IGDCC3: variants seen among roughly 807,000 people sequenced by gnomAD.
The protein encoded by IGDCC3 is putative neuronal cell adhesion molecule.
Under a neutral mutation model 72.0 loss-of-function variants are expected in IGDCC3, and 47 were observed. That is an observed-to-expected ratio of 0.65 (90% CI 0.52 to 0.83). The LOEUF (loss-of-function observed/expected upper bound fraction) is 0.83, where lower values mean the gene tolerates loss of function less well. Among genes scored for constraint, IGDCC3 ranks in the 40% least tolerant of loss-of-function variants. IGDCC3 has a pLI of 0.00. For synonymous variants in IGDCC3, 477 were observed against 472.8 expected (o/e 1.01, Z -0.11); for missense variants, 1,038 against 1,091.3 (o/e 0.95, Z 0.69).
At chr15:65,349,805 TA>T (rs1280826517) in intron 2 of IGDCC3, among the ~76,000 whole-genome samples, 32 of 152,214 alleles carry the variant, frequency 2.1e-4, no homozygotes, top group African/African-American at 7.7e-4. Flanking sequence ...ATTAAATAGT[TA>T]AAAGCTTTTG....
intron 2 of IGDCC3, among the ~76,000 whole-genome samples, chr15:65,348,241 T>C (rs1363503366): frequency 6.6e-6 from 1 of 152,232 alleles, no homozygotes; most frequent in Non-Finnish European, 1.5e-5. Flanking sequence ...GTCTATGCAG[T>C]AGCCATTCTT....
rs1477882968 is a variant in IGDCC3, at chr15:65,339,316, G to A, written c.410-3360C>T. Among the ~76,000 whole-genome samples, 1 of 152,176 alleles carries A rather than the reference G, an allele frequency of 6.6e-6. No individual in the cohort carries two copies. Among genetic ancestry groups the A allele is most frequent in the East Asian group, 1.9e-4 (1 of 5,198 alleles). ...AGGCTGGTCTCAAACTCCTGACCTC[G>A]TGATCCGCCCGCCTTGGCTTCCCAA... On this transcript the variant is annotated intron_variant, in intron 2 of 13. Transcript: ENST00000327987. This position sits in a 1 kb window ranked among gnomAD's most constrained non-coding sequence, Gnocchi z 4.1.
At chr15:65,347,704 G>T (rs943239634) in intron 2 of IGDCC3, among the ~76,000 whole-genome samples, 5 of 152,182 alleles carry the variant, frequency 3.3e-5, no homozygotes, top group Non-Finnish European at 7.3e-5. Context: ...GCCAAGACGG[G>T]TGGATCACCT....
intron 1 of IGDCC3, 112 bp from the exon 2 acceptor site, chr15:65,375,514 C>T: frequency 1.3e-6 from 1 of 776,022 alleles, no homozygotes. Context: ...GCACCCCATC[C>T]CCATGTTTCT....
Position 65,329,191 on chromosome 15 carries a change from G to C in IGDCC3, c.2206-43C>G, listed in dbSNP as rs2090952632. 1 of 1,568,982 alleles carries C rather than the reference G, an allele frequency of 6.4e-7. No homozygotes were observed. The highest frequency in any genetic ancestry group is 2.3e-5 in the East Asian group (1 of 44,380). On this transcript the variant is annotated intron_variant, in intron 13 of 13. Transcript: ENST00000327987. The surrounding 1 kb of genome is among the most constrained non-coding windows in gnomAD (Gnocchi z 4.1). Reference sequence around the variant, plus strand: ...CACACAGGCGTCAGCTTGAGGGCCAGGGCGCCAGGCTCCAACTCACCCCAC... The same window carrying C: ...CACACAGGCGTCAGCTTGAGGGCCACGGCGCCAGGCTCCAACTCACCCCAC...
intron 2 of IGDCC3, among the ~76,000 whole-genome samples, chr15:65,347,026 G>A (rs2091130230): frequency 6.6e-6 from 1 of 152,160 alleles, no homozygotes; most frequent in Admixed American, 6.5e-5. Context: ...CACAGACTGT[G>A]TGTCTCTGCC....
intron 2 of IGDCC3, among the ~76,000 whole-genome samples, chr15:65,368,017 G>A (rs1434980569): frequency 1.3e-5 from 2 of 152,096 alleles, no homozygotes; most frequent in East Asian, 3.8e-4. Flanking sequence ...CATTTTTGGT[G>A]GAATCACTCA....
intron 5 of IGDCC3, among the ~76,000 whole-genome samples, chr15:65,333,824 C>T (rs1223995036): frequency 6.6e-6 from 1 of 152,196 alleles, no homozygotes; most frequent in Non-Finnish European, 1.5e-5. Context: ...GGGGGGAACC[C>T]GGTTAACTTT....
chr15:65,350,971 T>TA (rs766651995), intron 2 of IGDCC3, among the ~76,000 whole-genome samples: 2 of 152,218 alleles, frequency 1.3e-5, no homozygotes, highest in Non-Finnish European at 2.9e-5. Context: ...GGTGAAAGAT[T>TA]ATAAGAAGTC....
rs1465706553 is a variant in IGDCC3, at chr15:65,339,167, C to T, written c.410-3211G>A. Reference sequence around the variant, plus strand: ...CATGATCTCAGCTCACCGCAAGCTCCGCCTCCCAGGCTTAAGCAACTCTCC... The same window carrying T: ...CATGATCTCAGCTCACCGCAAGCTCTGCCTCCCAGGCTTAAGCAACTCTCC... On this transcript the variant is annotated intron_variant, in intron 2 of 13. Transcript: ENST00000327987. This position sits in a 1 kb window ranked among gnomAD's most constrained non-coding sequence, Gnocchi z 4.1. 6.6e-6 allele frequency among the ~76,000 whole-genome samples: 1 copy of T among 152,266 alleles called. No individual in the cohort carries two copies. Among genetic ancestry groups the T allele is most frequent in the East Asian group, 1.9e-4 (1 of 5,184 alleles).
rs2090970879 is a variant in IGDCC3, at chr15:65,330,848, C to G, written c.1562-107G>C. On this transcript the variant is annotated intron_variant, in intron 9 of 13. Transcript: ENST00000327987. Reference sequence around the variant, plus strand: ...CAAAAGCCTGACAGCCCTCTGGCCTCTGGCCAAGGGCATGTGCTTATGAAA... The same window carrying G: ...CAAAAGCCTGACAGCCCTCTGGCCTGTGGCCAAGGGCATGTGCTTATGAAA... The G allele has an allele frequency of 4.6e-5, 52 of 1,125,350 alleles. No individual in the cohort carries two copies. The South Asian group carries it at 7.4e-4, about 16-fold the overall frequency. 69.7% of individuals were successfully genotyped at this position (1,125,350 alleles called of 1,614,324 possible).
intron 2 of IGDCC3, among the ~76,000 whole-genome samples, chr15:65,367,442 G>A (rs1246107856): frequency 6.6e-6 from 1 of 151,566 alleles, no homozygotes; most frequent in Admixed American, 6.6e-5. Flanking sequence ...ACGAGTTAAT[G>A]GGTGCAGCAC....
In IGDCC3 at chr15:65,331,074, T is replaced by C. The variant is rs926518917; in HGVS notation, c.1537A>G (p.Thr513Ala). 3 of 1,613,948 alleles carry C rather than the reference T, an allele frequency of 1.9e-6. No homozygotes were observed. In the South Asian group the frequency reaches 3.3e-5, roughly 18 times the overall value. The change falls in exon 9 of 14, where the codon ACC (threonine) becomes GCC (alanine). Residue 513 changes from threonine to alanine, a missense_variant. By Grantham distance (58) the Thr-to-Ala change is moderately conservative (BLOSUM62 0). Coordinates refer to ENST00000327987, the MANE Select transcript of IGDCC3 (RefSeq NM_004884.4). Reference protein sequence around the residue: ...PRGASSASVPTLASTLGEAPA... With the variant: ...PRGASSASVPALASTLGEAPA... ...CCTTCACCCAGGGTGCTAGCTAGGG[T>C]GGGCACAGAGGCTGAGCTGGCCCCC...
chr15:65,362,164 A>T (rs1341856880), intron 2 of IGDCC3, among the ~76,000 whole-genome samples: 1 of 152,062 alleles, frequency 6.6e-6, no homozygotes, highest in African/African-American at 2.4e-5. Context: ...AGCCGTGTTC[A>T]GGATGAAAAT....
In IGDCC3 at chr15:65,329,278, G is replaced by A. The variant is rs2090953209; in HGVS notation, c.2205+112C>T. 2 of 1,477,286 alleles carry A rather than the reference G, an allele frequency of 1.4e-6. No homozygotes were observed. The highest frequency in any genetic ancestry group is 4.6e-5 in the East Asian group (2 of 43,842). 91.5% of individuals were successfully genotyped at this position (1,477,286 alleles called of 1,614,324 possible). On this transcript the variant is annotated intron_variant, in intron 13 of 13. Coordinates refer to ENST00000327987, the MANE Select transcript of IGDCC3 (RefSeq NM_004884.4). This position sits in a 1 kb window ranked among gnomAD's most constrained non-coding sequence, Gnocchi z 4.1. ...CAGGGACACAAAGAGAAGACCTGCAGTTTGACTAAGGCCAATGATCGAGGC... is the reference window on the plus strand; with the variant it reads ...CAGGGACACAAAGAGAAGACCTGCAATTTGACTAAGGCCAATGATCGAGGC...
At chr15:65,330,820 C>T (rs2090970593) in intron 9 of IGDCC3, 79 bp from the exon 10 acceptor site, 2 of 1,291,014 alleles carry the variant, frequency 1.5e-6, no homozygotes, top group Non-Finnish European at 2.1e-6. Context: ...TGACCCCGAC[C>T]CCCAAAAGCC....
At chr15:65,368,393 G>A (rs57332635) in intron 2 of IGDCC3, among the ~76,000 whole-genome samples, 21,002 of 152,134 alleles carry the variant, frequency 0.14, 1,728 homozygotes, top group East Asian at 0.41. Context: ...GCGCCTGGCC[G>A]CTGACAATGC....
At chr15:65,371,865 G>C (rs1403552902) in intron 2 of IGDCC3, among the ~76,000 whole-genome samples, 1 of 152,210 alleles carries the variant, frequency 6.6e-6, no homozygotes, top group Admixed American at 6.5e-5. Flanking sequence ...GGATAGCGGA[G>C]GGTCTCACAG....
chr15:65,366,413 AAG>A (rs2091288523), intron 2 of IGDCC3, among the ~76,000 whole-genome samples: 1 of 152,084 alleles, frequency 6.6e-6, no homozygotes, highest in Admixed American at 6.6e-5. Context: ...ACAATAAAGA[AAG>A]AGAAGGAGGG....
Sources: gnomAD v4.1 joint callset for allele counts (sites outside exome capture counted in the v4.1 genomes callset) on GRCh38, gnomAD v4.1.1 for gene constraint, Gnocchi (gnomAD v3.1) non-coding constraint, MANE v1.5 for transcripts, NCBI Gene and HGNC (gene_info 2026-07-23, HGNC 2026-07-21) for gene names.